The following CSMD1 variants were observed in gnomAD, a reference collection of about 807,000 sequenced individuals.
CSMD1 encodes CUB and Sushi multiple domains 1.
In CSMD1, 213 loss-of-function variants were observed where a neutral mutation model predicts 417.5. The observed-to-expected ratio is 0.51, with a 90% CI of 0.46 to 0.57. The LOEUF (loss-of-function observed/expected upper bound fraction) is 0.57. CSMD1 is among the 20% of genes least tolerant of loss of function. CSMD1 has a pLI of 0.00. For synonymous variants in CSMD1, 2,862 were observed against 1,736.8 expected (o/e 1.65, Z -16.11); for missense variants, 6,923 against 4,529.7 (o/e 1.53, Z -15.17).
intron 1 of CSMD1, among the ~76,000 whole-genome samples, chr8:4,735,886 A>G (rs1810201933): frequency 2.0e-5 from 3 of 152,172 alleles, no homozygotes; most frequent in Admixed American, 2.0e-4. Context: ...ACAACACGCT[A>G]CTGCTTTACT....
intron 8 of CSMD1, among the ~76,000 whole-genome samples, chr8:3,594,321 AAAGAAC>A (rs1271177954): frequency 6.6e-6 from 1 of 152,216 alleles, no homozygotes; most frequent in Non-Finnish European, 1.5e-5. Context: ...TATTAACAAA[AAAGAAC>A]TGATTTGCCT....
intron 2 of CSMD1, among the ~76,000 whole-genome samples, chr8:4,443,189 C>A (rs1311123732): frequency 6.6e-6 from 1 of 152,120 alleles, no homozygotes; most frequent in East Asian, 1.9e-4. Context: ...TGATATATTA[C>A]TGAGTATACA....
chr8:3,174,097 C>T (rs895933831), intron 37 of CSMD1, among the ~76,000 whole-genome samples: 5 of 152,172 alleles, frequency 3.3e-5, no homozygotes, highest in Non-Finnish European at 7.3e-5. Context: ...TCATAAGAAA[C>T]GTGACTTCAC....
intron 6 of CSMD1, among the ~76,000 whole-genome samples, chr8:3,733,505 C>T (rs2720818): frequency 0.58 from 88,560 of 151,764 alleles, 25,849 homozygotes; most frequent in African/African-American, 0.65. Context: ...CGGTCAACCG[C>T]GTTCTGAAAA....
intron 16 of CSMD1, among the ~76,000 whole-genome samples, chr8:3,399,082 G>A (rs1384205166): frequency 1.3e-5 from 2 of 152,094 alleles, no homozygotes; most frequent in African/African-American, 2.4e-5. Flanking sequence ...TGTGCAATCA[G>A]ACATCAAGCT....
chr8:3,784,627 A>G (rs1799349187), intron 5 of CSMD1, among the ~76,000 whole-genome samples: 1 of 152,212 alleles, frequency 6.6e-6, no homozygotes, highest in Non-Finnish European at 1.5e-5. Context: ...AAAAATGAAT[A>G]AATCAATAAA....
At position 3,018,507 on chromosome 8, in the gene CSMD1, G is replaced by A. The variant is rs755667817; in HGVS notation, c.7999C>T (p.Leu2667Phe). 2 of 1,613,528 alleles carry A rather than the reference G, an allele frequency of 1.2e-6. No individual in the cohort carries two copies. The highest frequency in any genetic ancestry group is 1.7e-5 in the Admixed American group (1 of 59,972). Residue 2667 changes from leucine to phenylalanine, a missense_variant, in exon 52 of 70, where the codon CTC becomes TTC. Transcript: ENST00000635120. ...CATCGAGTTTCGCTGCCGCTCCAGA[G>A]CCCATTTGCCAAGCACTCTCTGACA... Reference protein sequence around the residue: ...SHVRECLANGLWSGSETRCLA... With the variant: ...SHVRECLANGFWSGSETRCLA...
At chr8:3,301,961 A>G (rs1261742632) in intron 25 of CSMD1, among the ~76,000 whole-genome samples, 2 of 152,176 alleles carry the variant, frequency 1.3e-5, no homozygotes, top group African/African-American at 4.8e-5. Context: ...TGTCTCGTCT[A>G]AAGAAATCTC....
intron 3 of CSMD1, among the ~76,000 whole-genome samples, chr8:4,130,019 G>T: frequency 6.6e-6 from 1 of 152,218 alleles, no homozygotes; most frequent in East Asian, 1.9e-4. Context: ...TTTCTTGTCA[G>T]AAGATTTTTA....
chr8:4,201,118 G>C (rs1296944235), intron 3 of CSMD1, among the ~76,000 whole-genome samples: 3 of 152,146 alleles, frequency 2.0e-5, no homozygotes, highest in Non-Finnish European at 2.9e-5. Context: ...CAGTGACTTT[G>C]CATATCAATT....
intron 3 of CSMD1, among the ~76,000 whole-genome samples, chr8:4,114,220 C>G (rs1358993001): frequency 6.6e-6 from 1 of 152,132 alleles, no homozygotes; most frequent in African/African-American, 2.4e-5. Context: ...TTAGTGGAAA[C>G]CAATGTTTGT....
At chr8:3,547,013 C>T (rs1798695340) in intron 10 of CSMD1, among the ~76,000 whole-genome samples, 1 of 152,206 alleles carries the variant, frequency 6.6e-6, no homozygotes, top group East Asian at 1.9e-4. Flanking sequence ...CTCCTGTCCA[C>T]AGATGTGGGG....
At chr8:4,058,572 G>C (rs566982610) in intron 3 of CSMD1, among the ~76,000 whole-genome samples, 14 of 151,192 alleles carry the variant, frequency 9.3e-5, no homozygotes, top group African/African-American at 3.2e-4. Flanking sequence ...CAACATATAG[G>C]CTCAAAATAA....
intron 5 of CSMD1, among the ~76,000 whole-genome samples, chr8:3,762,751 G>T (rs529690064): frequency 6.6e-6 from 1 of 152,206 alleles, no homozygotes; most frequent in Non-Finnish European, 1.5e-5. Context: ...GCTCGGCTTG[G>T]TTTATTCCCA....
intron 2 of CSMD1, among the ~76,000 whole-genome samples, chr8:4,599,880 G>T (rs949182927): frequency 6.6e-6 from 1 of 152,166 alleles, no homozygotes; most frequent in African/African-American, 2.4e-5. Flanking sequence ...TACATTCAAA[G>T]AGTTTTTTGT....
intron 3 of CSMD1, among the ~76,000 whole-genome samples, chr8:4,392,261 T>C (rs1051709371): frequency 2.0e-5 from 3 of 152,178 alleles, no homozygotes; most frequent in Non-Finnish European, 2.9e-5. Context: ...ACTGAAGAGT[T>C]ATTTGCATGT....
chr8:3,634,722 CTT>C (rs765911375), intron 7 of CSMD1, among the ~76,000 whole-genome samples: 2 of 152,138 alleles, frequency 1.3e-5, no homozygotes, highest in Admixed American at 1.3e-4. Context: ...CCTACTCAGC[CTT>C]TCTGGATTGA....
At chr8:3,838,311 G>T (rs910957244) in intron 5 of CSMD1, among the ~76,000 whole-genome samples, 2 of 151,932 alleles carry the variant, frequency 1.3e-5, no homozygotes, top group African/African-American at 4.8e-5. Context: ...CAAGGCAGGA[G>T]GATTGCTTGA....
At chr8:3,963,025 C>T (rs1429384948) in intron 5 of CSMD1, among the ~76,000 whole-genome samples, 1 of 152,086 alleles carries the variant, frequency 6.6e-6, no homozygotes, top group Admixed American at 6.5e-5. Context: ...CAACCTCTGC[C>T]TCCGAGGTTC....
Sources: allele counts gnomAD v4.1 joint callset (sites outside exome capture counted in the v4.1 genomes callset), GRCh38; gene constraint gnomAD v4.1.1; transcripts MANE v1.5; gene names NCBI Gene and HGNC (gene_info 2026-07-23, HGNC 2026-07-21).